ARHGAP28: variants seen among roughly 807,000 people sequenced by gnomAD.
The protein encoded by ARHGAP28 is Rho GTPase activating protein 28, also known as rho GTPase-activating protein 28.
Under a neutral mutation model 90.7 loss-of-function variants are expected in ARHGAP28, and 56 were observed. The ratio of observed to expected loss-of-function variants is 0.62; its 90% CI spans 0.50 to 0.77. The LOEUF is 0.77. ARHGAP28 is among the 30% of genes least tolerant of loss of function. The pLI is 0.00. For synonymous variants in ARHGAP28, 308 were observed against 323.3 expected (o/e 0.95, Z 0.51); for missense variants, 869 against 900.9 (o/e 0.96, Z 0.45).
chr18:6,873,875 A>C, intron 9 of ARHGAP28, 100 bp downstream of exon 9: 1 of 1,030,208 alleles, frequency 9.7e-7, no homozygotes, highest in Non-Finnish European at 1.5e-6. Flanking sequence ...ATTTAAAGAC[A>C]CTATCGCCCT....
intron 1 of ARHGAP28, among the ~76,000 whole-genome samples, chr18:6,757,109 C>A (rs73938286): frequency 0.17 from 25,396 of 151,954 alleles, 2,237 homozygotes; most frequent in East Asian, 0.21. Context: ...CAGTAAAGAG[C>A]ATTACTTAAA....
At chr18:6,815,177 G>T (rs990920308) in intron 1 of ARHGAP28, among the ~76,000 whole-genome samples, 1 of 152,156 alleles carries the variant, frequency 6.6e-6, no homozygotes, top group Non-Finnish European at 1.5e-5. Flanking sequence ...AACATAAAAC[G>T]TTCACATTTA....
chr18:6,740,687 G>A (rs1215230297), intron 1 of ARHGAP28, among the ~76,000 whole-genome samples: 1 of 152,190 alleles, frequency 6.6e-6, no homozygotes, highest in Non-Finnish European at 1.5e-5. Flanking sequence ...TAACTGCCAT[G>A]TTTTAGGAGT....
chr18:6,912,386 G>C lies in ARHGAP28; in HGVS notation c.*232G>C. On this transcript the variant is annotated 3_prime_UTR_variant, in exon 18 of 18. Coordinates refer to ENST00000383472, the MANE Select transcript of ARHGAP28 (RefSeq NM_001366230.1). ...TATAAAAGTAAAGGAAAGATGATGTGGTCCTTCCAGAAGAAAGACCAATCT... is the reference window on the plus strand; with the variant it reads ...TATAAAAGTAAAGGAAAGATGATGTCGTCCTTCCAGAAGAAAGACCAATCT... 1 of 299,390 alleles carries C rather than the reference G, an allele frequency of 3.3e-6. No homozygotes were observed. The highest frequency in any genetic ancestry group is 6.2e-6 in the Non-Finnish European group (1 of 160,596). The allele number at this position is 299,390 out of a possible 1,614,324, so 18.5% of individuals were successfully genotyped here. A position where few individuals can be genotyped will look rare whatever the true frequency, so the allele number is the denominator to read the frequency against.
chr18:6,896,130 A>G (rs1001782805), intron 15 of ARHGAP28, among the ~76,000 whole-genome samples: 3 of 152,222 alleles, frequency 2.0e-5, no homozygotes, highest in African/African-American at 4.8e-5. Context: ...AAAATTTTCA[A>G]AAGGTTGGTC....
At chr18:6,882,335 T>C in intron 11 of ARHGAP28, 36 bp downstream of exon 11, 2 of 1,579,688 alleles carry the variant, frequency 1.3e-6, no homozygotes, top group African/African-American at 1.4e-5. Flanking sequence ...TACGCTAAGA[T>C]ATAAGGTCAA....
intron 6 of ARHGAP28, among the ~76,000 whole-genome samples, chr18:6,868,986 TA>T (rs2057060195): frequency 6.6e-6 from 1 of 151,898 alleles, no homozygotes; most frequent in Non-Finnish European, 1.5e-5. Context: ...AAAATAAAAA[TA>T]AAAAAGAAGG....
chr18:6,797,843 G>C lies in ARHGAP28; in HGVS notation c.123-26919G>C, dbSNP rs564490824. ...CACCCGGCTAATTTTTGTATTTTTA[G>C]TAGAGACAGGGTTTCACCATGTTGG... On this transcript the variant is annotated intron_variant, in intron 1 of 17. Coordinates refer to ENST00000383472, the MANE Select transcript of ARHGAP28 (RefSeq NM_001366230.1). Among the ~76,000 whole-genome samples, 89 of 152,122 alleles carry C rather than the reference G, an allele frequency of 5.9e-4. 1 individual carries two copies. The highest frequency in any genetic ancestry group is 3.5e-3 in the South Asian group (17 of 4,814).
At chr18:6,744,283 T>C (rs1264577580) in intron 1 of ARHGAP28, among the ~76,000 whole-genome samples, 1 of 152,142 alleles carries the variant, frequency 6.6e-6, no homozygotes, top group Non-Finnish European at 1.5e-5. Context: ...GCTGATACCC[T>C]GAAATATGAG....
chr18:6,852,518 G>GA (rs1261994062), intron 4 of ARHGAP28, among the ~76,000 whole-genome samples: 1 of 151,800 alleles, frequency 6.6e-6, no homozygotes, highest in Non-Finnish European at 1.5e-5. Flanking sequence ...TCATATAAAA[G>GA]AAAATCTAAG....
At chr18:6,814,920 G>A (rs1424783641) in intron 1 of ARHGAP28, among the ~76,000 whole-genome samples, 1 of 152,066 alleles carries the variant, frequency 6.6e-6, no homozygotes, top group African/African-American at 2.4e-5. Flanking sequence ...TGTTAGTAAA[G>A]AGCCAGAAAA....
At chr18:6,902,388 A>G (rs755111439) in intron 16 of ARHGAP28, among the ~76,000 whole-genome samples, 1 of 152,224 alleles carries the variant, frequency 6.6e-6, no homozygotes, top group Non-Finnish European at 1.5e-5. Context: ...AATCTAAAAG[A>G]GTTCTAAAAT....
At position 6,900,017 on chromosome 18, in the gene ARHGAP28, G is replaced by A. The variant is rs557762462; in HGVS notation, c.2030+3391G>A. 7.2e-5 allele frequency among the ~76,000 whole-genome samples: 11 copies of A among 152,270 alleles called. 1 individual carries two copies. The South Asian group carries it at 2.3e-3, about 32-fold the overall frequency. On this transcript the variant is annotated intron_variant, in intron 16 of 17. Coordinates refer to ENST00000383472, the MANE Select transcript of ARHGAP28 (RefSeq NM_001366230.1). ...ACCTGCAGCCTGCAGCAACAAGGAAGTGTTAGCTTCTGTTTTCCCCCACCC... is the reference window on the plus strand; with the variant it reads ...ACCTGCAGCCTGCAGCAACAAGGAAATGTTAGCTTCTGTTTTCCCCCACCC...
chr18:6,891,672 C>T (rs1204134563), intron 14 of ARHGAP28, among the ~76,000 whole-genome samples: 3 of 152,082 alleles, frequency 2.0e-5, no homozygotes, highest in Admixed American at 1.3e-4. Flanking sequence ...ACTGCAACCT[C>T]GAACTCCTGG....
At chr18:6,893,870 T>TG (rs1294484560) in intron 14 of ARHGAP28, among the ~76,000 whole-genome samples, 1 of 148,448 alleles carries the variant, frequency 6.7e-6, no homozygotes, top group Non-Finnish European at 1.5e-5. Context: ...CTTTTTGGTT[T>TG]TTTTTTTTTT....
At chr18:6,838,028 A>T (rs1485313774) in intron 3 of ARHGAP28, among the ~76,000 whole-genome samples, 2 of 152,164 alleles carry the variant, frequency 1.3e-5, no homozygotes, top group African/African-American at 4.8e-5. Context: ...ATGTTTTCCT[A>T]TGTCTACATT....
Position 6,887,364 on chromosome 18 carries a change from G to A in ARHGAP28, c.1536+125G>A. The A allele has an allele frequency of 4.0e-6, 3 of 753,900 alleles. No individual in the cohort carries two copies. The South Asian group carries it at 4.6e-5, about 12-fold the overall frequency. The allele number at this position is 753,900 out of a possible 1,614,324, so 46.7% of individuals were successfully genotyped here. On this transcript the variant is annotated intron_variant, in intron 12 of 17. Coordinates refer to ENST00000383472, the MANE Select transcript of ARHGAP28 (RefSeq NM_001366230.1). ...CACCTGAGCATGCTGCAAACACACG[G>A]CCTTTCTGTGCTCCCACTGCCCTTC...
At chr18:6,841,180 C>CTCTCTCTCTCTCT (rs1491103592) in intron 3 of ARHGAP28, among the ~76,000 whole-genome samples, 3 of 57,062 alleles carry the variant, frequency 5.3e-5, no homozygotes, top group Admixed American at 1.8e-4. Context: ...CTCTCTCTCT[C>CTCTCTCTCTCTCT]CTCTCTCTCT....
chr18:6,744,873 TAAAG>T (rs748097855), intron 1 of ARHGAP28, among the ~76,000 whole-genome samples: 12 of 152,260 alleles, frequency 7.9e-5, no homozygotes, highest in African/African-American at 2.4e-4. Context: ...TTTTCAAAGT[TAAAG>T]AGAGTATTCA....
Sources: allele counts gnomAD v4.1 joint callset (sites outside exome capture counted in the v4.1 genomes callset), GRCh38; gene constraint gnomAD v4.1.1; transcripts MANE v1.5; gene names NCBI Gene and HGNC (gene_info 2026-07-23, HGNC 2026-07-21).